Variants in FBN3 observed in about 807,000 individuals in gnomAD.
FBN3 encodes the protein fibrillin-3.
A neutral mutation model predicts 330.1 loss-of-function variants in FBN3; 234 were observed. The observed-to-expected ratio is 0.71, with a 90% CI of 0.64 to 0.79. The LOEUF (loss-of-function observed/expected upper bound fraction) is 0.79. FBN3 is among the 30% of genes least tolerant of loss of function. FBN3 has a pLI of 0.00. For missense variants in FBN3, 3,606 were observed against 3,886.9 expected, an observed-to-expected ratio of 0.93 and a Z score of 1.92; for synonymous variants, 1,458 against 1,517.3, an observed-to-expected ratio of 0.96 and a Z score of 0.91.
rs2082588178 is a variant in FBN3, at chr19:8,111,681, G to C, written c.4051C>G (p.Gln1351Glu). 3 of 1,604,400 alleles carry C rather than the reference G, an allele frequency of 1.9e-6. No homozygotes were observed. In the Admixed American group the frequency reaches 5.1e-5, roughly 27 times the overall value. ...VPGSYRCTCR[Q>E]GFAGDGFFCE... is the part of the protein sequence containing the mutation. ...AAGAAGCCATCCCCGGCAAAGCCCT[G>C]GCGGCAGGTGCAGCGGTAGGAGCCA... The change falls in exon 32 of 64, where the codon CAG becomes GAG. Residue 1351 changes from glutamine (Q) to glutamate (E), a missense_variant. Physicochemically the swap from Gln to Glu is conservative, Grantham distance 29. Coordinates refer to ENST00000600128, the MANE Select transcript of FBN3 (RefSeq NM_032447.5).
rs746455110 is a variant in FBN3 at position 8,087,960 on chromosome 19, G to A, written c.6497-13C>T. ...CATTCGTCGATGTCTGGGGAGGCCA[G>A]TGGAGGTGCCAGCTGGGTAGGGACT... On this transcript the variant is annotated splice_polypyrimidine_tract_variant and intron_variant, in intron 52 of 63. Coordinates refer to ENST00000600128, the MANE Select transcript of FBN3 (RefSeq NM_032447.5). 6.2e-6 allele frequency: 10 copies of A among 1,614,144 alleles called. No homozygotes were observed. The highest frequency in any genetic ancestry group is 8.5e-6 in the Non-Finnish European group (10 of 1,180,036).
chr19:8,086,870 T>C (rs115118410), intron 54 of FBN3, among the ~76,000 whole-genome samples: 2,860 of 151,810 alleles, frequency 0.019, 90 homozygotes, highest in African/African-American at 0.065. Flanking sequence ...CCACTACCTG[T>C]CCCTCCCACT....
intron 29 of FBN3, 118 bp downstream of exon 29, chr19:8,116,556 A>G: frequency 1.9e-6 from 2 of 1,073,078 alleles, no homozygotes; most frequent in Non-Finnish European, 2.8e-6. Context: ...CTACCTGCGA[A>G]TGGCAGGGGT....
rs542160563 is a variant in FBN3, at chr19:8,122,516, G to A, written c.3082+948C>T. On this transcript the variant is annotated intron_variant, in intron 24 of 63. Coordinates refer to ENST00000600128, the MANE Select transcript of FBN3 (RefSeq NM_032447.5). Reference sequence around the variant, plus strand: ...CGAGTAGCTGGGATTACAGGCGCCCGCCACCAGGCCCAGCTAATTTTTGTA... The same window carrying A: ...CGAGTAGCTGGGATTACAGGCGCCCACCACCAGGCCCAGCTAATTTTTGTA... Among the ~76,000 whole-genome samples, 355 of 151,932 alleles carry A rather than the reference G, an allele frequency of 2.3e-3. 2 individuals are homozygous for A. Among genetic ancestry groups the A allele is most frequent in the African/African-American group, 8.2e-3 (341 of 41,424 alleles).
Position 8,125,913 on chromosome 19 carries a change from C to T in FBN3, c.2710G>A (p.Ala904Thr), listed in dbSNP as rs1270431824. The change falls in exon 22 of 64, where the codon GCC (alanine) becomes ACC (threonine). Residue 904 changes from alanine to threonine, a missense_variant. Coordinates refer to ENST00000600128, the MANE Select transcript of FBN3 (RefSeq NM_032447.5). ...CECPEGLMLD[A>T]SGRLCVDVRL... ...TCACCCACGCACAGCCGGCCTGAGG[C>T]GTCCAGCATCAGGCCCTCTGGACAC... The T allele has an allele frequency of 1.9e-6, 3 of 1,612,940 alleles. No homozygotes were observed. The highest frequency in any genetic ancestry group is 1.3e-5 in the African/African-American group (1 of 74,868).
At chr19:8,080,904 G>A (rs1297290231) in intron 59 of FBN3, 99 bp downstream of exon 59, 3 of 820,588 alleles carry the variant, frequency 3.7e-6, no homozygotes, top group South Asian at 3.0e-5. Context: ...TTACAGGCGT[G>A]AGCCATTGCG....
intron 36 of FBN3, 97 bp from the exon 37 acceptor site, chr19:8,108,335 G>C: frequency 1.1e-6 from 1 of 923,962 alleles, no homozygotes; most frequent in Non-Finnish European, 1.7e-6. Context: ...GGGCTCAAGA[G>C]TGGGCTCCCA....
chr19:8,078,035 C>A (rs944009619), intron 59 of FBN3, among the ~76,000 whole-genome samples: 2 of 151,310 alleles, frequency 1.3e-5, no homozygotes, highest in African/African-American at 4.9e-5. Flanking sequence ...GAGATTGCAC[C>A]ACTGCAATCT....
At chr19:8,139,036 A>G (rs2083352963) in intron 8 of FBN3, among the ~76,000 whole-genome samples, 1 of 152,018 alleles carries the variant, frequency 6.6e-6, no homozygotes, top group South Asian at 2.1e-4. Context: ...CCTGGGCAAC[A>G]GAGCGAGACT....
At position 8,110,760 on chromosome 19, in the gene FBN3, T is replaced by A; in HGVS notation, c.4333+85A>T. ...GCAGGGGAGGATGCTTGAAAAGAGATCTGAGGGCAGTGAGGGAGTGAGCCA... is the reference window on the plus strand; with the variant it reads ...GCAGGGGAGGATGCTTGAAAAGAGAACTGAGGGCAGTGAGGGAGTGAGCCA... On this transcript the variant is annotated intron_variant, in intron 34 of 63. Coordinates refer to ENST00000600128, the MANE Select transcript of FBN3 (RefSeq NM_032447.5). 3 of 1,556,426 alleles carry A rather than the reference T, an allele frequency of 1.9e-6. No individual in the cohort carries two copies. In the South Asian group the frequency reaches 3.5e-5, roughly 18 times the overall value.
chr19:8,135,936 G>GGGGGGGGGGGGGCGCCCCCCCCCCCCCCC, intron 13 of FBN3, 25 bp downstream of exon 13: 1 of 668,774 alleles, frequency 1.5e-6, no homozygotes, highest in Non-Finnish European at 2.4e-6. Context: ...GGAAGCCCCT[G>GGGGGGGGGGGGGCGCCCCCCCCCCCCCCC]CCCACCCGCC....
rs542739269 is a variant in FBN3 at position 8,086,122 on chromosome 19, C to T, written c.6880+78G>A. The T allele has an allele frequency of 1.9e-5, 22 of 1,185,814 alleles. No homozygotes were observed. The Admixed American group carries it at 3.1e-4, about 17-fold the overall frequency. 73.5% of individuals were successfully genotyped at this position (1,185,814 alleles called of 1,614,324 possible). On this transcript the variant is annotated intron_variant, in intron 55 of 63. Transcript: ENST00000600128. ...TGAAGGGGGCAGGCAGTGGGGGGAA[C>T]AGGCAGTGGGGGGGGACAGGCAGTG...
chr19:8,121,288 T>C lies in FBN3; in HGVS notation c.3181A>G (p.Ser1061Gly). Residue 1061 changes from serine (S) to glycine (G), a missense_variant, in exon 25 of 64, where the codon AGT (serine) becomes GGT (glycine). Ser to Gly is a moderately conservative substitution (Grantham distance 56). Transcript: ENST00000600128. The surrounding 1 kb of genome is among the most constrained non-coding windows in gnomAD (Gnocchi z 4.5). ...CAGTTCTTCATCAGCATGAAGCCAC[T>C]CTCGTAGCCGGGAAAACACTCGCAC... ...FECECFPGYE[S>G]GFMLMKNCMD... 1 of 1,611,638 alleles carries C rather than the reference T, an allele frequency of 6.2e-7. No homozygotes were observed. Among genetic ancestry groups the C allele is most frequent in the East Asian group, 2.2e-5 (1 of 44,734 alleles).
At chr19:8,127,794 C>A (rs2144943810) in intron 18 of FBN3, among the ~76,000 whole-genome samples, 1 of 152,228 alleles carries the variant, frequency 6.6e-6, no homozygotes, top group Middle Eastern at 3.4e-3. Context: ...ACCAGCCTGG[C>A]CAACACGATG....
At chr19:8,078,225 T>A (rs1023534956) in intron 59 of FBN3, among the ~76,000 whole-genome samples, 10 of 152,300 alleles carry the variant, frequency 6.6e-5, no homozygotes, top group African/African-American at 2.4e-4. Flanking sequence ...AGGAACACCC[T>A]GAGACAAAAT....
chr19:8,139,812 A>G (rs1171421607), intron 8 of FBN3, among the ~76,000 whole-genome samples: 2 of 151,858 alleles, frequency 1.3e-5, no homozygotes, highest in Admixed American at 1.3e-4. Flanking sequence ...AAAATGCACA[A>G]ACCTTGGCTG....
In FBN3 at chr19:8,104,182, AAC is replaced by A. The variant is rs57980473; in HGVS notation, c.4814-497_4814-496del. Among the ~76,000 whole-genome samples, 801 of 149,912 alleles carry A rather than the reference AAC, an allele frequency of 5.3e-3. 11 individuals carry two copies. Among genetic ancestry groups the A allele is most frequent in the African/African-American group, 0.018 (755 of 40,924 alleles). On this transcript the variant is annotated intron_variant, in intron 38 of 63. Coordinates refer to ENST00000600128, the MANE Select transcript of FBN3 (RefSeq NM_032447.5). ...CATTAAGTGAAAAAAAAAAAAAAAAAACATTTACAAGCTGGATGCAGTGGCTC... is the reference window on the plus strand; with the variant it reads ...CATTAAGTGAAAAAAAAAAAAAAAAAATTTACAAGCTGGATGCAGTGGCTC...
At chr19:8,120,209 G>T (rs1474667794) in intron 25 of FBN3, among the ~76,000 whole-genome samples, 3 of 126,284 alleles carry the variant, frequency 2.4e-5, no homozygotes, top group African/African-American at 3.1e-5. Flanking sequence ...TCGCTCTGTC[G>T]CCCAGGCTGG....
intron 59 of FBN3, 39 bp from the exon 60 acceptor site, chr19:8,075,450 T>C (rs904338020): frequency 1.3e-6 from 2 of 1,591,320 alleles, no homozygotes; most frequent in Non-Finnish European, 1.7e-6. Context: ...GCCTGCTGGT[T>C]AAGGAACTCG....
Sources: gnomAD v4.1 joint callset for allele counts (sites outside exome capture counted in the v4.1 genomes callset) on GRCh38, gnomAD v4.1.1 for gene constraint, Gnocchi (gnomAD v3.1) non-coding constraint, MANE v1.5 for transcripts, NCBI Gene and HGNC (gene_info 2026-07-23, HGNC 2026-07-21) for gene names.